The following EIF4G1 variants were observed in gnomAD, a reference collection of about 807,000 sequenced individuals.
The protein encoded by EIF4G1 is eukaryotic translation initiation factor 4 gamma 1, also known as EIF4-gamma.
In EIF4G1, 4 loss-of-function variants were observed where a neutral mutation model predicts 187.8. The ratio of observed to expected loss-of-function variants is 0.02; its 90% CI spans 0.01 to 0.05. The LOEUF (loss-of-function observed/expected upper bound fraction) is 0.05, where lower values mean the gene tolerates loss of function less well. Ranked by LOEUF, EIF4G1 falls within the 10% of genes least tolerant of loss-of-function variation. EIF4G1 has a pLI of 1.00. For synonymous variants in EIF4G1, 844 were observed against 781.4 expected (o/e 1.08, Z -1.34); for missense variants, 1,647 against 2,081.1 (o/e 0.79, Z 4.06).
intron 4 of EIF4G1, among the ~76,000 whole-genome samples, chr3:184,317,013 A>T (rs1374748284): frequency 1.3e-5 from 2 of 151,896 alleles, no homozygotes; most frequent in African/African-American, 4.8e-5. Context: ...TTACTTAGGC[A>T]TGATGCATCT....
At chr3:184,319,497 T>A (rs1389182896) in intron 6 of EIF4G1, 192 bp from the exon 7 acceptor site, 6 of 579,248 alleles carry the variant, frequency 1.0e-5, no homozygotes, top group Non-Finnish European at 1.9e-5. Context: ...GGAATTCTTG[T>A]AAACGCAGTT....
rs1726881897 is a variant in EIF4G1 at position 184,335,155 on chromosome 3, TTTGGTGTGTC to T, written c.*252_*261del. On this transcript the variant is annotated 3_prime_UTR_variant, in exon 33 of 33. Coordinates refer to ENST00000346169, the MANE Select transcript of EIF4G1 (RefSeq NM_198241.3). The stretch of plus-strand genomic sequence containing the variant: ...ATATATTATATATAAAGTCTTGAAA[TTTGGTGTGTC>T]TTGGGGTGGGGAGGGGCACCAACGC... 2 of 524,378 alleles carry T rather than the reference TTTGGTGTGTC, an allele frequency of 3.8e-6. No individual in the cohort carries two copies. The allele number at this position is 524,378 out of a possible 1,614,324, so 32.5% of individuals were successfully genotyped here.
rs1044757520 is a variant in EIF4G1 at position 184,323,518 on chromosome 3, C to G, written c.2199C>G (p.Ala733=). The part of the protein sequence containing the change: ...EDIKLNKAEK[A]WKPSSKRTAA... ...TAAAACTGAACAAAGCAGAGAAAGC[C>G]TGGAAACCCAGCAGCAAGCGGACGG... The change falls in exon 15 of 33, where the codon GCC becomes GCG. Residue 733 remains alanine, a synonymous_variant. Transcript: ENST00000346169. This position sits in a 1 kb window ranked among gnomAD's most constrained non-coding sequence, Gnocchi z 6.9. 10 of 1,614,038 alleles carry G rather than the reference C, an allele frequency of 6.2e-6. No homozygotes were observed. Among genetic ancestry groups the G allele is most frequent in the Non-Finnish European group, 8.5e-6 (10 of 1,180,038 alleles).
In EIF4G1 at chr3:184,323,179, A is replaced by G; in HGVS notation, c.2026A>G (p.Thr676Ala). The G allele has an allele frequency of 6.2e-7, 1 of 1,614,234 alleles. No homozygotes were observed. The highest frequency in any genetic ancestry group is 1.1e-5 in the South Asian group (1 of 91,090). ...TCCATCCTTTGCCAACCTTGGCCGG[A>G]CAACCCTTAGCACCCGTGGGCCCCC... ...FTPSFANLGR[T>A]TLSTRGPPRG... Residue 676 changes from threonine to alanine, a missense_variant, in exon 14 of 33, where the codon ACA becomes GCA. Physicochemically the swap from Thr to Ala is moderately conservative, Grantham distance 58 (BLOSUM62 0). This residue lies in a region of EIF4G1 where 140 missense variants were observed against 222.2 expected (regional missense o/e 0.63). Transcript: ENST00000346169. This position sits in a 1 kb window ranked among gnomAD's most constrained non-coding sequence, Gnocchi z 6.9.
chr3:184,327,377 G>A lies in EIF4G1; in HGVS notation c.3590G>A (p.Arg1197Gln), dbSNP rs1317652418. ...SKEVEERSRE[R>Q]PSQPEGLRKA... Reference sequence around the variant, plus strand: ...GAAGTGGAGGAGCGGAGTAGAGAACGGCCCTCCCAGCCTGAGGGGCTGCGC... The same window carrying A: ...GAAGTGGAGGAGCGGAGTAGAGAACAGCCCTCCCAGCCTGAGGGGCTGCGC... Residue 1197 changes from arginine to glutamine, a missense_variant, in exon 24 of 33, where the codon CGG (arginine) becomes CAG (glutamine). Around this residue, in one of 11 missense-constraint regions of EIF4G1, gnomAD observed 543 missense variants for 638.0 expected, o/e 0.85. Coordinates refer to ENST00000346169, the MANE Select transcript of EIF4G1 (RefSeq NM_198241.3). The A allele has an allele frequency of 6.2e-6, 10 of 1,613,544 alleles. No individual in the cohort carries two copies. The highest frequency in any genetic ancestry group is 2.2e-5 in the East Asian group (1 of 44,882).
At chr3:184,324,789 A>ATT (rs1724564308) in intron 17 of EIF4G1, 89 bp from the exon 18 acceptor site, 2 of 1,417,806 alleles carry the variant, frequency 1.4e-6, no homozygotes, top group Non-Finnish European at 2.0e-6. Flanking sequence ...CTGAGTGCTT[A>ATT]TTGCTAGGTT....
At position 184,321,593 on chromosome 3, in the gene EIF4G1, G is replaced by C. The variant is rs1401059773; in HGVS notation, c.1009G>C (p.Glu337Gln). 2 of 1,613,976 alleles carry C rather than the reference G, an allele frequency of 1.2e-6. No individual in the cohort carries two copies. Among genetic ancestry groups the C allele is most frequent in the Non-Finnish European group, 1.7e-6 (2 of 1,179,950 alleles). ...AGTGACACTTAGCAAACCGGTTCCA[G>C]AATCTGAGTTTTCTTCCAGTCCTCT... ...VEVTLSKPVP[E>Q]SEFSSSPLQA... The change falls in exon 10 of 33, where the codon GAA becomes CAA. Residue 337 changes from glutamate to glutamine, a missense_variant. Physicochemically the swap from Glu to Gln is conservative, Grantham distance 29. This residue lies in a region of EIF4G1 where 522 missense variants were observed against 485.2 expected (regional missense o/e 1.08). Transcript: ENST00000346169.
rs748710761 is a variant in EIF4G1, at chr3:184,325,466, C to G, written c.2962-14C>G. On this transcript the variant is annotated splice_polypyrimidine_tract_variant and intron_variant, in intron 19 of 32. Transcript: ENST00000346169. This position sits in a 1 kb window ranked among gnomAD's most constrained non-coding sequence, Gnocchi z 5.2. ...TTCCCTGACATCATCGTGACTGGCCCTCTGTCTCCACAGAGCAATTGGGTG... is the reference window on the plus strand; with the variant it reads ...TTCCCTGACATCATCGTGACTGGCCGTCTGTCTCCACAGAGCAATTGGGTG... 3 of 1,614,190 alleles carry G rather than the reference C, an allele frequency of 1.9e-6. No homozygotes were observed. The Admixed American group carries it at 5.0e-5, about 27-fold the overall frequency.
chr3:184,318,997 C>T (rs957075233), intron 6 of EIF4G1, among the ~76,000 whole-genome samples: 4 of 151,752 alleles, frequency 2.6e-5, no homozygotes, highest in Admixed American at 2.6e-4. Context: ...TCGCTTGAAC[C>T]CGGGATGTGG....
chr3:184,321,714 G>A lies in EIF4G1; in HGVS notation c.1130G>A (p.Ser377Asn). 6.3e-7 allele frequency: 1 copy of A among 1,593,800 alleles called. No individual in the cohort carries two copies. Among genetic ancestry groups the A allele is most frequent in the African/African-American group, 1.3e-5 (1 of 74,564 alleles). Residue 377 changes from serine to asparagine, a missense_variant, in exon 10 of 33, where the codon AGC (serine) becomes AAC (asparagine). This residue lies in a region of EIF4G1 where 522 missense variants were observed against 485.2 expected (regional missense o/e 1.08). Coordinates refer to ENST00000346169, the MANE Select transcript of EIF4G1 (RefSeq NM_198241.3). ...GATCTGGAACCAGAGGTGGAGTCAA[G>A]CCCAGAGCTTGCTCCTCCCCCAGCT... Reference protein sequence around the residue: ...SEDLEPEVESSPELAPPPACP... With the variant: ...SEDLEPEVESNPELAPPPACP...
chr3:184,320,511 A>C, intron 7 of EIF4G1, 119 bp from the exon 8 acceptor site: 3 of 1,575,400 alleles, frequency 1.9e-6, no homozygotes, highest in Non-Finnish European at 2.6e-6. Context: ...GGTTTCTGGC[A>C]CCTACCTACC....
Position 184,317,401 on chromosome 3 carries a change from A to G in EIF4G1, c.228A>G (p.Pro76=). ...VQSAAPARPG[P]AAHVYPAGSQ... ...GTGCAGCCCCTGCCCGCCCTGGCCCAGCTGCCCATGTCTACCCTGCTGGAT... is the reference window on the plus strand; with the variant it reads ...GTGCAGCCCCTGCCCGCCCTGGCCCGGCTGCCCATGTCTACCCTGCTGGAT... Residue 76 remains proline, a synonymous_variant, in exon 5 of 33, where the codon CCA becomes CCG. Coordinates refer to ENST00000346169, the MANE Select transcript of EIF4G1 (RefSeq NM_198241.3). 1 of 1,614,068 alleles carries G rather than the reference A, an allele frequency of 6.2e-7. No individual in the cohort carries two copies. Among genetic ancestry groups the G allele is most frequent in the African/African-American group, 1.3e-5 (1 of 75,008 alleles).
At position 184,331,266 on chromosome 3, in the gene EIF4G1, G is replaced by C. The variant is rs1446992785; in HGVS notation, c.4162G>C (p.Gly1388Arg). The C allele has an allele frequency of 6.2e-7, 1 of 1,614,154 alleles. No individual in the cohort carries two copies. Among genetic ancestry groups the C allele is most frequent in the Non-Finnish European group, 8.5e-7 (1 of 1,180,038 alleles). Reference sequence around the variant, plus strand: ...GCTGGGTTGGTCTTGTGTTTTCCAGGGTCCTAAAAAGGTGGGGACGCTGTG... The same window carrying C: ...GCTGGGTTGGTCTTGTGTTTTCCAGCGTCCTAAAAAGGTGGGGACGCTGTG... ...EILGLLCKSM[G>R]PKKVGTLWRE... The change falls in exon 29 of 33, where the codon GGT (glycine) becomes CGT (arginine). Residue 1388 changes from glycine (G) to arginine (R), a missense_variant and splice_region_variant. Coordinates refer to ENST00000346169, the MANE Select transcript of EIF4G1 (RefSeq NM_198241.3).
At position 184,314,687 on chromosome 3, in the gene EIF4G1, T is replaced by A. The variant is rs1177819529; in HGVS notation, c.-92+13T>A. ...AAGGAGACTGAAGGTAAAGCCGCCA[T>A]GTCCGGGCCCGACCCGGCCCCCCCA... On this transcript the variant is annotated intron_variant, in intron 1 of 32. Transcript: ENST00000346169. 1 of 151,494 alleles carries A rather than the reference T, an allele frequency of 6.6e-6. No homozygotes were observed. The highest frequency in any genetic ancestry group is 1.5e-5 in the Non-Finnish European group (1 of 67,752). 9.4% of individuals were successfully genotyped at this position (151,494 alleles called of 1,614,324 possible). A position where few individuals can be genotyped will look rare whatever the true frequency, so the allele number is the denominator to read the frequency against.
intron 16 of EIF4G1, 30 bp from the exon 17 acceptor site, chr3:184,324,171 C>G: frequency 6.2e-7 from 1 of 1,614,186 alleles, no homozygotes; most frequent in South Asian, 1.1e-5. Context: ...CAGGACTAGT[C>G]TTGAGTGTGA....
At chr3:184,328,078 C>T in intron 26 of EIF4G1, 76 bp downstream of exon 26, 1 of 1,548,398 alleles carries the variant, frequency 6.5e-7, no homozygotes, top group Non-Finnish European at 8.8e-7. Flanking sequence ...CCCTTGGAAC[C>T]TTGCATAAGA....
chr3:184,322,141 G>T, intron 10 of EIF4G1, 38 bp downstream of exon 10: 1 of 1,613,874 alleles, frequency 6.2e-7, no homozygotes, highest in South Asian at 1.1e-5. Flanking sequence ...GGGCGGGCTA[G>T]GGGATATCGT....
At chr3:184,319,915 G>A (rs1343710143) in intron 7 of EIF4G1, 114 bp downstream of exon 7, 1 of 797,998 alleles carries the variant, frequency 1.3e-6, no homozygotes, top group Non-Finnish European at 2.2e-6. Context: ...AGCTGAGAGT[G>A]GGCAGAGAAT....
chr3:184,322,389 G>A lies in EIF4G1; in HGVS notation c.1547G>A (p.Arg516Gln), dbSNP rs968798946. The change falls in exon 11 of 33, where the codon CGG (arginine) becomes CAG (glutamine). Residue 516 changes from arginine (R) to glutamine (Q), a missense_variant. Around this residue, in one of 11 missense-constraint regions of EIF4G1, gnomAD observed 522 missense variants for 485.2 expected, o/e 1.08. Coordinates refer to ENST00000346169, the MANE Select transcript of EIF4G1 (RefSeq NM_198241.3). ...GCAGTATCTGTGCCAAAGAGGAGACGGAAAATTAAGGAGCTAAATAAGAAG... is the reference window on the plus strand; with the variant it reads ...GCAGTATCTGTGCCAAAGAGGAGACAGAAAATTAAGGAGCTAAATAAGAAG... ...QVAVSVPKRR[R>Q]KIKELNKKEA... is the part of the protein sequence containing the mutation. 4 of 1,613,966 alleles carry A rather than the reference G, an allele frequency of 2.5e-6. No homozygotes were observed. Among genetic ancestry groups the A allele is most frequent in the Non-Finnish European group, 3.4e-6 (4 of 1,180,028 alleles).
Sources: allele counts gnomAD v4.1 joint callset (sites outside exome capture counted in the v4.1 genomes callset), GRCh38; gene constraint gnomAD v4.1.1; regional missense constraint gnomAD v4.1.1; non-coding constraint Gnocchi (gnomAD v3.1); transcripts MANE v1.5; gene names NCBI Gene and HGNC (gene_info 2026-07-23, HGNC 2026-07-21).